The following CDKL3 variants were observed in gnomAD, a reference collection of about 807,000 sequenced individuals.
The protein encoded by CDKL3 is cyclin dependent kinase like 3, also known as cyclin-dependent kinase-like 3.
In CDKL3, 65 loss-of-function variants were observed where a neutral mutation model predicts 69.3. That is an observed-to-expected ratio of 0.94 (90% confidence interval 0.77 to 1.15). The LOEUF (loss-of-function observed/expected upper bound fraction) is 1.15, where lower values mean the gene tolerates loss of function less well. Among genes scored for constraint, CDKL3 ranks in the 50% most tolerant of loss-of-function variants. The pLI, the probability that CDKL3 is intolerant of heterozygous loss-of-function variation, is 0.00. For synonymous variants in CDKL3, 202 were observed against 221.6 expected (o/e 0.91, Z 0.79); for missense variants, 652 against 689.2 (o/e 0.95, Z 0.61).
At chr5:134,314,606 AACT>A (rs1770509686) in intron 6 of CDKL3, among the ~76,000 whole-genome samples, 1 of 152,232 alleles carries the variant, frequency 6.6e-6, no homozygotes, top group East Asian at 1.9e-4. Context: ...TCATATAATG[AACT>A]ACTACTCTGC....
intron 12 of CDKL3, 136 bp downstream of exon 12, chr5:134,302,454 A>C: frequency 1.6e-6 from 1 of 612,994 alleles, no homozygotes; most frequent in Non-Finnish European, 2.9e-6. Context: ...GAAAATATAG[A>C]TCTGTTTCTT....
At chr5:134,300,561 C>T (rs1326084112) in intron 12 of CDKL3, among the ~76,000 whole-genome samples, 2 of 152,088 alleles carry the variant, frequency 1.3e-5, no homozygotes, top group Non-Finnish European at 2.9e-5. Context: ...TTTATTAAAA[C>T]CAGTTGTACT....
chr5:134,332,785 T>G (rs1776126664), intron 4 of CDKL3, among the ~76,000 whole-genome samples: 1 of 152,252 alleles, frequency 6.6e-6, no homozygotes, highest in African/African-American at 2.4e-5. Context: ...GGGCTCTTTT[T>G]TGGTTCCATG....
At chr5:134,362,887 C>A (rs1030615200) in intron 2 of CDKL3, among the ~76,000 whole-genome samples, 3 of 152,194 alleles carry the variant, frequency 2.0e-5, no homozygotes, top group African/African-American at 7.2e-5. Flanking sequence ...AGGATCGTGC[C>A]ACTGCACTCC....
At chr5:134,364,705 G>T (rs959935244) in intron 2 of CDKL3, among the ~76,000 whole-genome samples, 7 of 151,710 alleles carry the variant, frequency 4.6e-5, no homozygotes, top group Non-Finnish European at 7.4e-5. Flanking sequence ...AGAGATGGGG[G>T]TTTCACTACA....
intron 11 of CDKL3, among the ~76,000 whole-genome samples, chr5:134,302,912 A>G (rs1028068982): frequency 6.6e-6 from 1 of 151,982 alleles, no homozygotes. Flanking sequence ...ATTTTATTTT[A>G]TTTTATTTTA....
rs897906994 is a variant in CDKL3, at chr5:134,367,153, G to A, written c.-198C>T. 7.1e-6 allele frequency: 7 copies of A among 985,624 alleles called. No individual in the cohort carries two copies. The highest frequency in any genetic ancestry group is 1.0e-3 in the Middle Eastern group (2 of 1,936). The allele number at this position is 985,624 out of a possible 1,614,324, so 61.1% of individuals were successfully genotyped here. On this transcript the variant is annotated 5_prime_UTR_variant, in exon 1 of 13. Coordinates refer to ENST00000265334, the MANE Select transcript of CDKL3 (RefSeq NM_001113575.2). ...GGCCACTTGCCACCATGGAAACGCCGGCGGAGTTGCTGCGTTCTAGACTCG... is the reference window on the plus strand; with the variant it reads ...GGCCACTTGCCACCATGGAAACGCCAGCGGAGTTGCTGCGTTCTAGACTCG...
At position 134,332,659 on chromosome 5, in the gene CDKL3, G is replaced by A. The variant is rs140616465; in HGVS notation, c.540-10756C>T. On this transcript the variant is annotated intron_variant, in intron 4 of 12. Transcript: ENST00000265334. ...TTCTGTTCCATTGGTCTATATATCT[G>A]TTTTGGTACCAGTACCATGCTATTT... Among the ~76,000 whole-genome samples the A allele has an allele frequency of 6.6e-3, 1,010 of 152,286 alleles. 14 individuals are homozygous for A. Among genetic ancestry groups the A allele is most frequent in the African/African-American group, 0.023 (967 of 41,564 alleles).
At chr5:134,306,479 A>G in intron 10 of CDKL3, 130 bp downstream of exon 10, 1 of 618,894 alleles carries the variant, frequency 1.6e-6, no homozygotes, top group Middle Eastern at 3.1e-4. Context: ...TCTGGGCAAC[A>G]GAGAGAGATC....
At chr5:134,328,871 C>T (rs1775044030) in intron 4 of CDKL3, among the ~76,000 whole-genome samples, 2 of 152,148 alleles carry the variant, frequency 1.3e-5, no homozygotes, top group African/African-American at 4.8e-5. Flanking sequence ...TCAAAAAAGA[C>T]CTCTCAACAA....
intron 3 of CDKL3, among the ~76,000 whole-genome samples, chr5:134,351,277 A>C (rs920253123): frequency 6.6e-6 from 1 of 152,066 alleles, no homozygotes; most frequent in African/African-American, 2.4e-5. Context: ...CATATGTATC[A>C]AGTTTCCTGG....
intron 4 of CDKL3, among the ~76,000 whole-genome samples, chr5:134,340,431 A>AT (rs1178410393): frequency 1.3e-5 from 2 of 152,176 alleles, no homozygotes; most frequent in Non-Finnish European, 2.9e-5. Flanking sequence ...ACCAAAAGCT[A>AT]TTTTTTTGTA....
rs960846091 is a variant in CDKL3 at position 134,312,378 on chromosome 5, A to T, written c.795T>A (p.Ala265=). 1 of 1,568,864 alleles carries T rather than the reference A, an allele frequency of 6.4e-7. No homozygotes were observed. Among genetic ancestry groups the T allele is most frequent in the African/African-American group, 1.4e-5 (1 of 72,852 alleles). ...LNGLLADIVH[A]CLQIDPADRI... is the part of the protein sequence containing the mutation. ...TGTCAGCAGGATCAATTTGTAAACA[A>T]GCCTAGGAAAGGAAAAAGATTTTAA... is the stretch of plus-strand genomic sequence containing the variant. The change falls in exon 7 of 13, where the codon GCT becomes GCA. Residue 265 remains alanine (A), a splice_region_variant and synonymous_variant. Transcript: ENST00000265334.
At chr5:134,363,955 C>G (rs1020351122) in intron 2 of CDKL3, among the ~76,000 whole-genome samples, 6 of 97,074 alleles carry the variant, frequency 6.2e-5, no homozygotes, top group Non-Finnish European at 9.4e-5. Flanking sequence ...GACTCCATTT[C>G]TTAAAAAAAA....
downstream of CDKL3, among the ~76,000 whole-genome samples, chr5:134,293,734 A>C (rs1382835158): frequency 1.3e-5 from 2 of 152,154 alleles, no homozygotes; most frequent in Admixed American, 1.3e-4. Context: ...CAGGAGTTCA[A>C]GGCTGCAGTG....
chr5:134,351,158 T>C (rs941206474), intron 3 of CDKL3, among the ~76,000 whole-genome samples: 1 of 152,226 alleles, frequency 6.6e-6, no homozygotes, highest in Non-Finnish European at 1.5e-5. Context: ...CCTACATTCC[T>C]GGTTTCTGAG....
chr5:134,302,451 T>C (rs1766584831), intron 12 of CDKL3, 139 bp downstream of exon 12: 2 of 609,940 alleles, frequency 3.3e-6, no homozygotes, highest in East Asian at 3.0e-5. Flanking sequence ...TAGGAAAATA[T>C]AGATCTGTTT....
chr5:134,325,199 G>T (rs1233378406), intron 4 of CDKL3, among the ~76,000 whole-genome samples: 2 of 152,016 alleles, frequency 1.3e-5, no homozygotes, highest in African/African-American at 4.8e-5. Context: ...AAGAAGAGTG[G>T]GGAGGGAAAC....
At chr5:134,286,870 C>G (rs1051564753) in intron 8 of CDKL3, among the ~76,000 whole-genome samples, 8 of 152,084 alleles carry the variant, frequency 5.3e-5, no homozygotes, top group African/African-American at 1.9e-4. Flanking sequence ...ACAGCCAAAC[C>G]CTATCAGTAA....
Sources: allele counts gnomAD v4.1 joint callset (sites outside exome capture counted in the v4.1 genomes callset), GRCh38; gene constraint gnomAD v4.1.1; transcripts MANE v1.5; gene names NCBI Gene and HGNC (gene_info 2026-07-23, HGNC 2026-07-21).